Variants in ZBTB20 observed in about 807,000 individuals in gnomAD.
ZBTB20 encodes zinc finger and BTB domain-containing protein 20.
Under a neutral mutation model 56.9 loss-of-function variants are expected in ZBTB20, and 9 were observed. The ratio of observed to expected loss-of-function variants is 0.16; its 90% confidence interval spans 0.10 to 0.28. The LOEUF (loss-of-function observed/expected upper bound fraction) is 0.28. Ranked by LOEUF, ZBTB20 falls within the 10% of genes least tolerant of loss-of-function variation. ZBTB20 has a pLI of 1.00. For synonymous variants in ZBTB20, 417 were observed against 420.7 expected (o/e 0.99, Z 0.11); for missense variants, 655 against 1,003.0 (o/e 0.65, Z 4.69).
At chr3:114,825,527 C>G (rs955504763) in intron 4 of ZBTB20, among the ~76,000 whole-genome samples, 8 of 151,828 alleles carry the variant, frequency 5.3e-5, no homozygotes, top group African/African-American at 1.9e-4. Context: ...ATGGGGAGAC[C>G]ATGCAGCCTC....
At chr3:114,599,026 A>G (rs562544987) in intron 6 of ZBTB20, among the ~76,000 whole-genome samples, 2 of 152,166 alleles carry the variant, frequency 1.3e-5, no homozygotes, top group East Asian at 3.9e-4. Context: ...ACCTTCTTAG[A>G]CACCTTCACC....
rs543614612 is a variant in ZBTB20 at position 115,075,760 on chromosome 3, G to A, written c.-702-4346C>T. Among the ~76,000 whole-genome samples, 97 of 152,090 alleles carry A rather than the reference G, an allele frequency of 6.4e-4. 1 individual carries two copies. The highest frequency in any genetic ancestry group is 1.1e-3 in the Non-Finnish European group (74 of 67,964). On this transcript the variant is annotated intron_variant, in intron 1 of 11. Transcript: ENST00000675478. ...ACTCTCGGCACTTCTATTCTACATA[G>A]TACTGGAAGTCTTACCCAGGGCAAT...
intron 5 of ZBTB20, among the ~76,000 whole-genome samples, chr3:114,750,683 C>A (rs2067490687): frequency 6.6e-6 from 1 of 152,138 alleles, no homozygotes; most frequent in African/African-American, 2.4e-5. Context: ...GTGACATTAA[C>A]AGAATTTTGA....
intron 4 of ZBTB20, among the ~76,000 whole-genome samples, chr3:114,894,693 C>T (rs2074797411): frequency 6.6e-6 from 1 of 152,170 alleles, no homozygotes; most frequent in Non-Finnish European, 1.5e-5. Context: ...AGATGGCCAT[C>T]TATATGTCAA....
chr3:115,143,499 T>C, intron 1 of ZBTB20, among the ~76,000 whole-genome samples: 1 of 152,080 alleles, frequency 6.6e-6, no homozygotes, highest in South Asian at 2.1e-4. Flanking sequence ...GAGATTCCCA[T>C]CTCAAAAAAC....
intron 3 of ZBTB20, among the ~76,000 whole-genome samples, chr3:114,965,047 C>G (rs2077596533): frequency 6.6e-6 from 1 of 152,028 alleles, no homozygotes; most frequent in Admixed American, 6.6e-5. Flanking sequence ...TAATGGAAGC[C>G]AGTAGAAAGA....
chr3:114,466,481 T>C (rs1385362542), intron 7 of ZBTB20, among the ~76,000 whole-genome samples: 2 of 152,208 alleles, frequency 1.3e-5, no homozygotes, highest in Non-Finnish European at 2.9e-5. Flanking sequence ...TTTAAGACTT[T>C]GCTCCCTCTT....
At chr3:114,823,988 A>C (rs566583008) in intron 4 of ZBTB20, among the ~76,000 whole-genome samples, 3 of 152,182 alleles carry the variant, frequency 2.0e-5, no homozygotes, top group African/African-American at 4.8e-5. Flanking sequence ...GTGAATTTTA[A>C]AATAAGCCCA....
chr3:114,603,346 C>G (rs1392893079), intron 6 of ZBTB20, among the ~76,000 whole-genome samples: 3 of 151,944 alleles, frequency 2.0e-5, no homozygotes, highest in African/African-American at 4.8e-5. Context: ...GTTCTGAGAA[C>G]AGTATGGTTT....
chr3:114,985,845 C>T (rs2078517805), intron 2 of ZBTB20, among the ~76,000 whole-genome samples: 1 of 152,078 alleles, frequency 6.6e-6, no homozygotes, highest in African/African-American at 2.4e-5. Flanking sequence ...CTATAAAGTG[C>T]CAAATAATAA....
intron 5 of ZBTB20, among the ~76,000 whole-genome samples, chr3:114,769,944 A>C (rs1001256045): frequency 2.0e-5 from 3 of 151,598 alleles, no homozygotes; most frequent in Non-Finnish European, 4.4e-5. Context: ...CCGTAATCCT[A>C]GGTGCTCCAG....
At chr3:114,599,673 G>A (rs1684528362) in intron 6 of ZBTB20, among the ~76,000 whole-genome samples, 1 of 152,000 alleles carries the variant, frequency 6.6e-6, no homozygotes, top group South Asian at 2.1e-4. Context: ...TACATTATTT[G>A]CATTTAATTC....
chr3:114,706,288 G>A (rs1180476707), intron 5 of ZBTB20, among the ~76,000 whole-genome samples: 1 of 152,106 alleles, frequency 6.6e-6, no homozygotes, highest in Non-Finnish European at 1.5e-5. Context: ...ATAAAAGGGG[G>A]CATTAAATAT....
Position 114,890,353 on chromosome 3 carries a change from G to A in ZBTB20, c.-417+9951C>T, listed in dbSNP as rs544987208. Among the ~76,000 whole-genome samples, 3 of 152,242 alleles carry A rather than the reference G, an allele frequency of 2.0e-5. 1 individual carries two copies. The highest frequency in any genetic ancestry group is 4.8e-5 in the African/African-American group (2 of 41,540). On this transcript the variant is annotated intron_variant, in intron 4 of 11. Transcript: ENST00000675478. ...AATCTTGGCAGTGATAATCTGCACC[G>A]TAAACTGTGAAGTAAATTGTGTATG...
chr3:114,390,273 A>G (rs13066031), intron 7 of ZBTB20, among the ~76,000 whole-genome samples: 2 of 152,148 alleles, frequency 1.3e-5, no homozygotes, highest in Admixed American at 1.3e-4. Context: ...AAATGACAAG[A>G]TTTCCTTCTT....
intron 2 of ZBTB20, among the ~76,000 whole-genome samples, chr3:115,010,256 T>C (rs1399281603): frequency 6.6e-6 from 1 of 151,912 alleles, no homozygotes; most frequent in Non-Finnish European, 1.5e-5. Context: ...GATTGTAGAA[T>C]CTCAGGCATT....
At chr3:114,348,542 C>T (rs1031064201) in intron 11 of ZBTB20, among the ~76,000 whole-genome samples, 5 of 152,212 alleles carry the variant, frequency 3.3e-5, no homozygotes, top group African/African-American at 9.6e-5. Context: ...TTCATAAATT[C>T]AGTAGTGAGT....
intron 6 of ZBTB20, among the ~76,000 whole-genome samples, chr3:114,562,074 T>C (rs1164311677): frequency 3.3e-5 from 5 of 152,218 alleles, no homozygotes; most frequent in Non-Finnish European, 7.3e-5. Flanking sequence ...CTTCAAACTT[T>C]TCTTCTAAAG....
chr3:114,528,236 A>G (rs1425892587), intron 6 of ZBTB20, among the ~76,000 whole-genome samples: 1 of 152,142 alleles, frequency 6.6e-6, no homozygotes, highest in Non-Finnish European at 1.5e-5. Flanking sequence ...TGTCAATTAA[A>G]ATATTATAAA....
Sources: gnomAD v4.1 joint callset for allele counts (sites outside exome capture counted in the v4.1 genomes callset) on GRCh38, gnomAD v4.1.1 for gene constraint, MANE v1.5 for transcripts, NCBI Gene and HGNC (gene_info 2026-07-23, HGNC 2026-07-21) for gene names.